Variants in CYB5R4 observed in about 807,000 individuals in gnomAD.
CYB5R4 encodes cytochrome b5 reductase 4, also known as N-terminal cytochrome b5 and cytochrome b5 oxidoreductase domain-containing protein.
Under a neutral mutation model 70.2 loss-of-function variants are expected in CYB5R4, and 55 were observed. That is an observed-to-expected ratio of 0.78 (90% CI 0.63 to 0.98). CYB5R4 has a LOEUF of 0.98. CYB5R4 is among the 50% of genes least tolerant of loss of function. The pLI is 0.00. For missense variants in CYB5R4, 562 were observed against 612.6 expected (o/e 0.92, Z 0.87); for synonymous variants, 197 against 199.5 (o/e 0.99, Z 0.11).
intron 11 of CYB5R4, among the ~76,000 whole-genome samples, chr6:83,935,927 G>A (rs2099468847): frequency 6.6e-6 from 1 of 151,768 alleles, no homozygotes; most frequent in Admixed American, 6.6e-5. Context: ...TTTATTTGCT[G>A]ATGGAATAGA....
intron 4 of CYB5R4, among the ~76,000 whole-genome samples, chr6:83,914,020 G>A (rs1273019457): frequency 5.3e-5 from 8 of 152,130 alleles, no homozygotes; most frequent in Non-Finnish European, 8.8e-5. Context: ...TCTTTGAGTT[G>A]TTAATGTGTG....
At chr6:83,913,594 A>G (rs1224384017) in intron 4 of CYB5R4, among the ~76,000 whole-genome samples, 2 of 152,280 alleles carry the variant, frequency 1.3e-5, no homozygotes, top group East Asian at 3.9e-4. Flanking sequence ...GTGAAGTGTA[A>G]TTAATTATGG....
chr6:83,873,175 A>G (rs1214566609), intron 2 of CYB5R4, among the ~76,000 whole-genome samples: 1 of 151,510 alleles, frequency 6.6e-6, no homozygotes, highest in Non-Finnish European at 1.5e-5. Flanking sequence ...GGTGTCTGTT[A>G]CTTATAACTC....
intron 14 of CYB5R4, among the ~76,000 whole-genome samples, chr6:83,943,287 T>G (rs2099470052): frequency 6.6e-6 from 1 of 152,124 alleles, no homozygotes; most frequent in African/African-American, 2.4e-5. Context: ...TCTTTGCTGT[T>G]CTGCAGCCTC....
intron 10 of CYB5R4, among the ~76,000 whole-genome samples, chr6:83,926,666 G>A (rs190570581): frequency 2.6e-5 from 4 of 152,122 alleles, no homozygotes; most frequent in African/African-American, 9.7e-5. Flanking sequence ...TATGTGTTTG[G>A]TGAGGGGACA....
Position 83,893,240 on chromosome 6 carries a change from A to G in CYB5R4, c.230-282A>G, listed in dbSNP as rs149893449. 3.6e-3 allele frequency among the ~76,000 whole-genome samples: 549 copies of G among 152,300 alleles called. 4 individuals are homozygous for G. Among genetic ancestry groups the G allele is most frequent in the Admixed American group, 5.8e-3 (88 of 15,300 alleles). On this transcript the variant is annotated intron_variant, in intron 2 of 15. Transcript: ENST00000369681. ...GTTCAGTGAACTGACACAAATGTTTATATTCTGACTACTGCTATTGATGTG... is the reference window on the plus strand; with the variant it reads ...GTTCAGTGAACTGACACAAATGTTTGTATTCTGACTACTGCTATTGATGTG...
intron 14 of CYB5R4, among the ~76,000 whole-genome samples, chr6:83,943,562 C>G (rs1272440244): frequency 6.6e-6 from 1 of 152,056 alleles, no homozygotes; most frequent in African/African-American, 2.4e-5. Flanking sequence ...CTCTTCTCCT[C>G]CAAAGGATCA....
rs375593861 is a variant in CYB5R4, at chr6:83,966,058, A to G, written c.*6180A>G. The G allele has an allele frequency of 3.9e-5, 6 of 152,320 alleles. No homozygotes were observed. The highest frequency in any genetic ancestry group is 1.4e-4 in the African/African-American group (6 of 41,568). The allele number at this position is 152,320 out of a possible 1,614,324, so 9.4% of individuals were successfully genotyped here. ...CTTTATCAGCAGTGATTCTATTCCT[A>G]TGAAATGTCTAGAACAGGAAAATCT... On this transcript the variant is annotated 3_prime_UTR_variant, in exon 16 of 16. Transcript: ENST00000369681.
chr6:83,911,299 A>G (rs145384090), intron 4 of CYB5R4, among the ~76,000 whole-genome samples: 1 of 152,240 alleles, frequency 6.6e-6, no homozygotes, highest in African/African-American at 2.4e-5. Flanking sequence ...AAGTTGTGTT[A>G]TGAAGAGTTC....
intron 8 of CYB5R4, among the ~76,000 whole-genome samples, chr6:83,921,806 TCCAGATAA>T (rs1266144590): frequency 1.3e-5 from 2 of 152,212 alleles, no homozygotes; most frequent in African/African-American, 2.4e-5. Flanking sequence ...AATTGTAAAT[TCCAGATAA>T]CCATATGAAC....
chr6:83,943,556 TCTC>T (rs907125688), intron 14 of CYB5R4, among the ~76,000 whole-genome samples: 11 of 152,134 alleles, frequency 7.2e-5, no homozygotes, highest in East Asian at 3.9e-4. Flanking sequence ...GAATGCCTCT[TCTC>T]CTCCAAAGGA....
rs1361707969 is a variant in CYB5R4 at position 83,936,282 on chromosome 6, G to A, written c.1014G>A (p.Lys338=). The change falls in exon 12 of 16, where the codon AAG becomes AAA. Residue 338 remains lysine (K), a synonymous_variant. Coordinates refer to ENST00000369681, the MANE Select transcript of CYB5R4 (RefSeq NM_016230.4). The part of the protein sequence containing the change: ...PVSGSLLSEF[K]EPVLPNNKYI... ...CTGGTTCCTTACTCTCAGAGTTCAA[G>A]GAACCAGTTCTTCCCAACAATAAAT... is the stretch of plus-strand genomic sequence containing the variant. 6.2e-7 allele frequency: 1 copy of A among 1,611,292 alleles called. No individual in the cohort carries two copies. Among genetic ancestry groups the A allele is most frequent in the Admixed American group, 1.7e-5 (1 of 59,626 alleles).
chr6:83,950,751 A>C (rs959098335), intron 14 of CYB5R4, among the ~76,000 whole-genome samples: 4 of 152,124 alleles, frequency 2.6e-5, no homozygotes, highest in Non-Finnish European at 4.4e-5. Flanking sequence ...ATAAGAAAAA[A>C]ATCACCCATA....
intron 2 of CYB5R4, among the ~76,000 whole-genome samples, chr6:83,876,591 A>G (rs1052930396): frequency 7.9e-5 from 12 of 151,554 alleles, no homozygotes; most frequent in African/African-American, 2.9e-4. Flanking sequence ...CACATATAGT[A>G]TAATAACCTT....
At chr6:83,869,861 G>A (rs1185162481) in intron 2 of CYB5R4, among the ~76,000 whole-genome samples, 1 of 151,980 alleles carries the variant, frequency 6.6e-6, no homozygotes, top group Non-Finnish European at 1.5e-5. Flanking sequence ...GGTCTGTTTA[G>A]TGCCATAATT....
intron 1 of CYB5R4, 23 bp downstream of exon 1, chr6:83,859,880 C>G: frequency 6.3e-7 from 1 of 1,599,776 alleles, no homozygotes; most frequent in Non-Finnish European, 8.5e-7. Context: ...CTCCGTGAGT[C>G]TCTCCCCTCG....
In CYB5R4 at chr6:83,962,925, G is replaced by A. The variant is rs953323289; in HGVS notation, c.*3047G>A. On this transcript the variant is annotated 3_prime_UTR_variant, in exon 16 of 16. Coordinates refer to ENST00000369681, the MANE Select transcript of CYB5R4 (RefSeq NM_016230.4). Reference sequence around the variant, plus strand: ...CTGAATTCCCTTGTGGGCTTCTTCAGCATTGGTAGATGAATCTTATGCTTT... The same window carrying A: ...CTGAATTCCCTTGTGGGCTTCTTCAACATTGGTAGATGAATCTTATGCTTT... The A allele has an allele frequency of 2.0e-5, 3 of 152,198 alleles. No individual in the cohort carries two copies. The highest frequency in any genetic ancestry group is 7.2e-5 in the African/African-American group (3 of 41,444). The allele number at this position is 152,198 out of a possible 1,614,324, so 9.4% of individuals were successfully genotyped here.
At chr6:83,950,511 A>T (rs2099471357) in intron 14 of CYB5R4, among the ~76,000 whole-genome samples, 1 of 152,126 alleles carries the variant, frequency 6.6e-6, no homozygotes, top group African/African-American at 2.4e-5. Flanking sequence ...CTTTTGTAGA[A>T]TGAGTTTTGT....
rs2099473486 is a variant in CYB5R4 at position 83,962,470 on chromosome 6, T to A, written c.*2592T>A. ...AAGAAGAATTACGCTCAAAGTCACA[T>A]TTGCTTGCAAATTCTGCTTTTTTTA... is the stretch of plus-strand genomic sequence containing the variant. On this transcript the variant is annotated 3_prime_UTR_variant, in exon 16 of 16. Coordinates refer to ENST00000369681, the MANE Select transcript of CYB5R4 (RefSeq NM_016230.4). 6.6e-6 allele frequency: 1 copy of A among 152,206 alleles called. No homozygotes were observed. The highest frequency in any genetic ancestry group is 2.1e-4 in the South Asian group (1 of 4,830). 9.4% of individuals were successfully genotyped at this position (152,206 alleles called of 1,614,324 possible).
Sources: allele counts gnomAD v4.1 joint callset (sites outside exome capture counted in the v4.1 genomes callset), GRCh38; gene constraint gnomAD v4.1.1; transcripts MANE v1.5; gene names NCBI Gene and HGNC (gene_info 2026-07-23, HGNC 2026-07-21).